Variants in CDK8 observed in about 807,000 individuals in gnomAD.
The protein encoded by CDK8 is cyclin-dependent kinase 8.
A neutral mutation model predicts 71.5 loss-of-function variants in CDK8; 29 were observed. The observed-to-expected ratio is 0.41, with a 90% confidence interval of 0.30 to 0.55. CDK8 has a LOEUF of 0.55. Ranked by LOEUF, CDK8 falls within the 20% of genes least tolerant of loss-of-function variation. The pLI is 0.37. For missense variants in CDK8, 288 were observed against 572.6 expected (o/e 0.50, Z 5.07); for synonymous variants, 161 against 192.1 (o/e 0.84, Z 1.34).
At chr13:26,347,347 G>C (rs1873501104) in intron 2 of CDK8, among the ~76,000 whole-genome samples, 1 of 151,890 alleles carries the variant, frequency 6.6e-6, no homozygotes, top group Non-Finnish European at 1.5e-5. Flanking sequence ...TATCTCACAG[G>C]GTTGCTGAAC....
chr13:26,297,457 C>A (rs1202859896), intron 1 of CDK8, among the ~76,000 whole-genome samples: 1 of 152,150 alleles, frequency 6.6e-6, no homozygotes, highest in Non-Finnish European at 1.5e-5. Flanking sequence ...GAAGCTCCCT[C>A]CTTCCAAAGA....
intron 1 of CDK8, among the ~76,000 whole-genome samples, chr13:26,303,907 T>A (rs1873926218): frequency 2.0e-5 from 3 of 152,156 alleles, no homozygotes; most frequent in Admixed American, 2.0e-4. Context: ...CTACACTCGA[T>A]TTCTGTTGGT....
intron 2 of CDK8, among the ~76,000 whole-genome samples, chr13:26,338,484 G>A (rs556058500): frequency 6.6e-6 from 1 of 152,040 alleles, no homozygotes; most frequent in African/African-American, 2.4e-5. Flanking sequence ...AGCATGTCAA[G>A]CACTGTGATA....
chr13:26,270,516 C>G (rs574194638), intron 1 of CDK8, among the ~76,000 whole-genome samples: 1 of 152,118 alleles, frequency 6.6e-6, no homozygotes, highest in Admixed American at 6.6e-5. Flanking sequence ...AAAGAAACCC[C>G]GTACCCATTA....
intron 4 of CDK8, among the ~76,000 whole-genome samples, chr13:26,378,360 T>C (rs1875055270): frequency 1.3e-5 from 2 of 152,198 alleles, no homozygotes; most frequent in Non-Finnish European, 2.9e-5. Flanking sequence ...AGAAAGCTTC[T>C]GCCAGAATGG....
At chr13:26,375,550 T>C (rs1016103478) in intron 4 of CDK8, among the ~76,000 whole-genome samples, 8 of 152,242 alleles carry the variant, frequency 5.3e-5, no homozygotes, top group African/African-American at 1.9e-4. Context: ...TTCCACACAG[T>C]AAATTCTGCT....
chr13:26,346,492 C>G (rs1206280839), intron 2 of CDK8, among the ~76,000 whole-genome samples: 1 of 152,220 alleles, frequency 6.6e-6, no homozygotes, highest in Non-Finnish European at 1.5e-5. Flanking sequence ...AAATAGCTGT[C>G]TAGCTTAGGA....
intron 1 of CDK8, among the ~76,000 whole-genome samples, chr13:26,335,441 G>T (rs896883002): frequency 1.1e-4 from 16 of 151,896 alleles, no homozygotes; most frequent in African/African-American, 3.6e-4. Context: ...TTGTGGCTTC[G>T]ATCACTGTGT....
chr13:26,375,974 C>CA (rs1253809571), intron 4 of CDK8, among the ~76,000 whole-genome samples: 2 of 151,592 alleles, frequency 1.3e-5, no homozygotes, highest in African/African-American at 2.4e-5. Context: ...GGGTTACTGC[C>CA]AAAAAAGTAG....
chr13:26,367,557 T>C (rs1475127787), intron 4 of CDK8, among the ~76,000 whole-genome samples: 5 of 152,178 alleles, frequency 3.3e-5, no homozygotes, highest in Admixed American at 3.3e-4. Flanking sequence ...ATTTGTTTTT[T>C]CCTTTGGGTA....
At chr13:26,398,980 T>C (rs943024307) in intron 9 of CDK8, among the ~76,000 whole-genome samples, 9 of 148,442 alleles carry the variant, frequency 6.1e-5, no homozygotes, top group African/African-American at 2.3e-4. Flanking sequence ...AAAAAAAATG[T>C]CTTTTTATCC....
intron 1 of CDK8, among the ~76,000 whole-genome samples, chr13:26,297,066 G>A (rs1049617890): frequency 2.6e-5 from 4 of 152,102 alleles, no homozygotes; most frequent in African/African-American, 9.7e-5. Context: ...ACAATAGATG[G>A]CCTATCATTA....
chr13:26,393,761 TTTG>T (rs1286582520), intron 7 of CDK8, among the ~76,000 whole-genome samples: 1 of 152,226 alleles, frequency 6.6e-6, no homozygotes, highest in Non-Finnish European at 1.5e-5. Context: ...ACTTTTTTGT[TTTG>T]TTATTTGGTA....
intron 3 of CDK8, among the ~76,000 whole-genome samples, chr13:26,353,344 A>G: frequency 6.6e-6 from 1 of 151,114 alleles, no homozygotes; most frequent in Non-Finnish European, 1.5e-5. Flanking sequence ...TGTCATAAAT[A>G]GGTTCTAATT....
chr13:26,343,869 GT>G (rs1422290950), intron 2 of CDK8, among the ~76,000 whole-genome samples: 2 of 151,662 alleles, frequency 1.3e-5, no homozygotes, highest in East Asian at 1.9e-4. Flanking sequence ...TATTCTATAA[GT>G]TTTTTTCTAT....
chr13:26,403,974 G>A lies in CDK8; in HGVS notation c.1288G>A (p.Ala430Thr), dbSNP rs745583219. The A allele has an allele frequency of 5.0e-6, 8 of 1,612,910 alleles. No individual in the cohort carries two copies. In the East Asian group the frequency reaches 1.8e-4, roughly 36 times the overall value. The stretch of plus-strand genomic sequence containing the variant: ...TTTCCAGCGTTCCAATCCACATGCT[G>A]CCTATCCCAACCCTGGACCAAGCAC... Reference protein sequence around the residue: ...SDYQRSNPHAAYPNPGPSTSQ... With the variant: ...SDYQRSNPHATYPNPGPSTSQ... Residue 430 changes from alanine to threonine, a missense_variant, in exon 13 of 13, where the codon GCC (alanine) becomes ACC (threonine). Physicochemically the swap from Ala to Thr is moderately conservative, Grantham distance 58 (BLOSUM62 0). Around this residue, in one of 6 missense-constraint regions of CDK8, gnomAD observed 76 missense variants for 99.7 expected, o/e 0.76. Transcript: ENST00000381527.
intron 1 of CDK8, among the ~76,000 whole-genome samples, chr13:26,275,195 C>A (rs1162182863): frequency 6.6e-6 from 1 of 152,120 alleles, no homozygotes; most frequent in African/African-American, 2.4e-5. Context: ...TAAAGATCTA[C>A]AATATCTGGG....
intron 4 of CDK8, among the ~76,000 whole-genome samples, chr13:26,355,319 A>C (rs1415414969): frequency 2.0e-5 from 3 of 152,254 alleles, no homozygotes. Context: ...TTTCACTTAT[A>C]AAAATAGATT....
At chr13:26,308,765 C>G (rs1019038382) in intron 1 of CDK8, among the ~76,000 whole-genome samples, 8 of 152,180 alleles carry the variant, frequency 5.3e-5, no homozygotes, top group African/African-American at 1.9e-4. Context: ...CTTCTAGTTC[C>G]TCACTTTCCA....
Sources: allele counts gnomAD v4.1 joint callset (sites outside exome capture counted in the v4.1 genomes callset), GRCh38; gene constraint gnomAD v4.1.1; regional missense constraint gnomAD v4.1.1; transcripts MANE v1.5; gene names NCBI Gene and HGNC (gene_info 2026-07-23, HGNC 2026-07-21).